Variants in RGSL1 observed in about 807,000 individuals in gnomAD.
RGSL1 encodes regulator of G protein signaling like 1.
Under a neutral mutation model 124.7 loss-of-function variants are expected in RGSL1, and 97 were observed. The ratio of observed to expected loss-of-function variants is 0.78; its 90% CI spans 0.66 to 0.92. The LOEUF (loss-of-function observed/expected upper bound fraction) is 0.92, where lower values mean the gene tolerates loss of function less well. RGSL1 is among the 40% of genes least tolerant of loss of function. RGSL1 has a pLI of 0.00. For synonymous variants in RGSL1, 424 were observed against 438.1 expected (o/e 0.97, Z 0.40); for missense variants, 1,233 against 1,288.4 (o/e 0.96, Z 0.66).
intron 4 of RGSL1, among the ~76,000 whole-genome samples, chr1:182,464,340 A>G (rs1160329973): frequency 6.6e-6 from 1 of 152,228 alleles, no homozygotes; most frequent in Non-Finnish European, 1.5e-5. Flanking sequence ...GATTACAGTA[A>G]ATAACATGAA....
At chr1:182,468,093 G>T (rs529436560) in intron 4 of RGSL1, among the ~76,000 whole-genome samples, 4 of 152,188 alleles carry the variant, frequency 2.6e-5, no homozygotes, top group Non-Finnish European at 4.4e-5. Context: ...AGTTAGAATG[G>T]CGATCATTAA....
intron 9 of RGSL1, among the ~76,000 whole-genome samples, chr1:182,499,442 T>C (rs1656186307): frequency 6.6e-6 from 1 of 152,220 alleles, no homozygotes; most frequent in South Asian, 2.1e-4. Context: ...TATTTGTCTT[T>C]TTTGATTGTT....
intron 9 of RGSL1, among the ~76,000 whole-genome samples, chr1:182,504,076 G>T (rs1656618831): frequency 6.6e-6 from 1 of 150,436 alleles, no homozygotes; most frequent in African/African-American, 2.5e-5. Flanking sequence ...TGCCTCCCGG[G>T]TTCAAGCGAT....
rs141279993 is a variant in RGSL1 at position 182,501,307 on chromosome 1, C to CTTTTT, written c.1825+8204_1825+8208dup. Among the ~76,000 whole-genome samples, 68 of 61,364 alleles carry CTTTTT rather than the reference C, an allele frequency of 1.1e-3. 1 individual carries two copies. Among genetic ancestry groups the CTTTTT allele is most frequent in the East Asian group, 5.3e-3 (9 of 1,700 alleles). The allele number at this position is 61,364 out of a possible 152,430, so 40.3% of individuals were successfully genotyped here. On this transcript the variant is annotated intron_variant, in intron 9 of 21. Coordinates refer to ENST00000294854, the MANE Select transcript of RGSL1 (RefSeq NM_001137669.2). ...TTTCTTTTCTTTTCTTTTTTCTTTT[C>CTTTTT]TTTTTTTTTTTTTTTTTTTTTTTTT...
chr1:182,546,230 A>G (rs1466676859), intron 15 of RGSL1, among the ~76,000 whole-genome samples: 1 of 152,214 alleles, frequency 6.6e-6, no homozygotes, highest in Non-Finnish European at 1.5e-5. Flanking sequence ...ACTTGCTTCT[A>G]TGCTAACATT....
At chr1:182,530,723 C>A in intron 12 of RGSL1, 67 bp from the exon 13 acceptor site, 1 of 1,450,090 alleles carries the variant, frequency 6.9e-7, no homozygotes, top group Non-Finnish European at 9.1e-7. Flanking sequence ...GGTAGGTTTG[C>A]CTGGACTGTC....
intron 4 of RGSL1, among the ~76,000 whole-genome samples, chr1:182,470,451 T>G (rs948466834): frequency 2.0e-5 from 3 of 152,136 alleles, no homozygotes; most frequent in African/African-American, 7.2e-5. Flanking sequence ...CATTTCCACT[T>G]AAAGGCTTTG....
At chr1:182,550,823 G>A (rs1038841014) in intron 17 of RGSL1, 8 of 422,590 alleles carry the variant, frequency 1.9e-5, no homozygotes, top group African/African-American at 6.0e-5. Flanking sequence ...CCTCAGGATA[G>A]TAGGCCCTTT....
chr1:182,551,477 A>G lies in RGSL1; in HGVS notation c.3043+268A>G, dbSNP rs266539. On this transcript the variant is annotated intron_variant, in intron 18 of 21. Transcript: ENST00000294854. Reference sequence around the variant, plus strand: ...CGGTCACAGTCTATGCTGAGGGTACATGGAGAGGATGATCTGCTTTTCTGC... The same window carrying G: ...CGGTCACAGTCTATGCTGAGGGTACGTGGAGAGGATGATCTGCTTTTCTGC... Among the ~76,000 whole-genome samples, 38,439 of 152,118 alleles carry G rather than the reference A, an allele frequency of 0.25. 5,347 individuals carry two copies. The highest frequency in any genetic ancestry group is 0.38 in the African/African-American group (15,658 of 41,472).
chr1:182,482,388 A>G lies in RGSL1; in HGVS notation c.1432-5897A>G, dbSNP rs1012414174. 5.3e-5 allele frequency among the ~76,000 whole-genome samples: 8 copies of G among 151,350 alleles called. 1 individual carries two copies. The highest frequency in any genetic ancestry group is 1.9e-4 in the East Asian group (1 of 5,182). ...AATACTGGAAGTCCTAGCCAGAGAA[A>G]GTAGACAAGAAAAATAAAAAATAAA... On this transcript the variant is annotated intron_variant, in intron 6 of 21. Coordinates refer to ENST00000294854, the MANE Select transcript of RGSL1 (RefSeq NM_001137669.2).
At chr1:182,504,220 A>T (rs1656631644) in intron 9 of RGSL1, among the ~76,000 whole-genome samples, 1 of 151,924 alleles carries the variant, frequency 6.6e-6, no homozygotes, top group Non-Finnish European at 1.5e-5. Flanking sequence ...ACCTCAGGTG[A>T]TCCGCTCGCC....
chr1:182,533,792 G>A lies in RGSL1; in HGVS notation c.2494+1001G>A, dbSNP rs114998997. Among the ~76,000 whole-genome samples the A allele has an allele frequency of 7.7e-3, 1,166 of 152,254 alleles. 15 individuals carry two copies. Among genetic ancestry groups the A allele is most frequent in the Middle Eastern group, 0.027 (8 of 294 alleles). ...TTATATAATTGTGATGAGTGATCCC[G>A]GCGATAATTGCAGGGAGATCCTATT... On this transcript the variant is annotated intron_variant, in intron 14 of 21. Transcript: ENST00000294854.
upstream of RGSL1, chr1:182,448,022 G>A (rs1651581285): frequency 6.7e-6 from 1 of 150,010 alleles, no homozygotes; most frequent in African/African-American, 2.4e-5. Flanking sequence ...GTAATATTTT[G>A]CAAGTATTTA....
chr1:182,540,542 C>T (rs1290058184), intron 15 of RGSL1, 121 bp downstream of exon 15: 11 of 750,908 alleles, frequency 1.5e-5, no homozygotes, highest in Non-Finnish European at 2.1e-5. Flanking sequence ...CAGTAAGAGT[C>T]TCTCCTTCTG....
At position 182,513,981 on chromosome 1, in the gene RGSL1, T is replaced by C. The variant is rs568275318; in HGVS notation, c.1826-8023T>C. On this transcript the variant is annotated intron_variant, in intron 9 of 21. Transcript: ENST00000294854. Reference sequence around the variant, plus strand: ...TGATCTTGGCTCACTGCAACCTCCATCTCCTGGGTTCAAGCGAGTCTCCTG... The same window carrying C: ...TGATCTTGGCTCACTGCAACCTCCACCTCCTGGGTTCAAGCGAGTCTCCTG... Among the ~76,000 whole-genome samples the C allele has an allele frequency of 4.3e-4, 65 of 150,642 alleles. 1 individual carries two copies. In the South Asian group the frequency reaches 0.014, roughly 31 times the overall value.
At chr1:182,552,760 C>T (rs1660646012) in intron 18 of RGSL1, among the ~76,000 whole-genome samples, 2 of 152,200 alleles carry the variant, frequency 1.3e-5, no homozygotes, top group South Asian at 4.1e-4. Flanking sequence ...CTTTACGCTG[C>T]ATCACCCCAT....
At chr1:182,484,707 A>G (rs556661863) in intron 6 of RGSL1, among the ~76,000 whole-genome samples, 1 of 152,320 alleles carries the variant, frequency 6.6e-6, no homozygotes, top group East Asian at 1.9e-4. Flanking sequence ...TGAGTGTGGT[A>G]GATGAAGCAA....
In RGSL1 at chr1:182,464,854, G is replaced by C. The variant is rs143313692; in HGVS notation, c.301+4721G>C. Among the ~76,000 whole-genome samples, 323 of 152,076 alleles carry C rather than the reference G, an allele frequency of 2.1e-3. 1 individual carries two copies. The highest frequency in any genetic ancestry group is 7.1e-3 in the African/African-American group (295 of 41,476). On this transcript the variant is annotated intron_variant, in intron 4 of 21. Coordinates refer to ENST00000294854, the MANE Select transcript of RGSL1 (RefSeq NM_001137669.2). Reference sequence around the variant, plus strand: ...GTGATCCCAGAACTCTACAAAGCTAGGATGAGAGGATTGCTTGAGGCCACA... The same window carrying C: ...GTGATCCCAGAACTCTACAAAGCTACGATGAGAGGATTGCTTGAGGCCACA...
chr1:182,475,944 A>T (rs949309741), intron 6 of RGSL1, among the ~76,000 whole-genome samples: 1 of 152,344 alleles, frequency 6.6e-6, no homozygotes, highest in South Asian at 2.1e-4. Context: ...CAGAGAGAAT[A>T]GTCTTGTTGC....
Sources: gnomAD v4.1 joint callset for allele counts (sites outside exome capture counted in the v4.1 genomes callset) on GRCh38, gnomAD v4.1.1 for gene constraint, MANE v1.5 for transcripts, NCBI Gene and HGNC (gene_info 2026-07-23, HGNC 2026-07-21) for gene names.